LMBR1: variants seen among roughly 807,000 people sequenced by gnomAD.
LMBR1 encodes the protein limb development membrane protein 1, also known as limb region 1 protein homolog.
A neutral mutation model predicts 73.9 loss-of-function variants in LMBR1; 52 were observed. That is an observed-to-expected ratio of 0.70 (90% confidence interval 0.56 to 0.89). LMBR1 has a LOEUF of 0.89. Among genes scored for constraint, LMBR1 ranks in the 40% least tolerant of loss-of-function variants. LMBR1 has a pLI of 0.00. For missense variants in LMBR1, 539 were observed against 579.8 expected, an observed-to-expected ratio of 0.93 and a Z score of 0.72; for synonymous variants, 215 against 209.4, an observed-to-expected ratio of 1.03 and a Z score of -0.23.
At chr7:156,892,550 A>C in intron 1 of LMBR1, 1 of 164,110 alleles carries the variant, frequency 6.1e-6, no homozygotes, top group Non-Finnish European at 1.3e-5. Context: ...ACACCCGCCC[A>C]GAGAGGAAGC....
intron 8 of LMBR1, 119 bp from the exon 9 acceptor site, chr7:156,756,584 CACAAA>C (rs1474539907): frequency 6.6e-6 from 4 of 604,838 alleles, no homozygotes; most frequent in African/African-American, 5.8e-5. Flanking sequence ...TTTCTAAGAA[CACAAA>C]ACAAAAAAAC....
At chr7:156,737,853 C>T (rs1263558331) in intron 9 of LMBR1, among the ~76,000 whole-genome samples, 1 of 152,086 alleles carries the variant, frequency 6.6e-6, no homozygotes, top group African/African-American at 2.4e-5. Context: ...GGGAGGCTTT[C>T]CTTGGATATG....
At chr7:156,695,867 G>GAA (rs397957629) in intron 15 of LMBR1, among the ~76,000 whole-genome samples, 1 of 143,744 alleles carries the variant, frequency 7.0e-6, no homozygotes, top group Admixed American at 6.9e-5. Flanking sequence ...GACACTGATG[G>GAA]AAAAAAAAAA....
intron 5 of LMBR1, among the ~76,000 whole-genome samples, chr7:156,774,576 A>T (rs1166072990): frequency 6.6e-6 from 1 of 152,206 alleles, no homozygotes; most frequent in East Asian, 1.9e-4. Context: ...TCACACCTGT[A>T]ATCCCAGCAC....
At chr7:156,691,101 GAAGT>G (rs1807078296) in intron 15 of LMBR1, among the ~76,000 whole-genome samples, 1 of 152,092 alleles carries the variant, frequency 6.6e-6, no homozygotes, top group African/African-American at 2.4e-5. Context: ...ACTACTATTA[GAAGT>G]AATACTACTA....
intron 10 of LMBR1, among the ~76,000 whole-genome samples, chr7:156,731,251 A>C (rs1816781099): frequency 6.6e-6 from 1 of 152,200 alleles, no homozygotes; most frequent in South Asian, 2.1e-4. Flanking sequence ...ATGAAGATAA[A>C]AAGGAGATAA....
At chr7:156,735,031 T>C (rs975309728) in intron 9 of LMBR1, among the ~76,000 whole-genome samples, 1 of 152,238 alleles carries the variant, frequency 6.6e-6, no homozygotes, top group Non-Finnish European at 1.5e-5. Flanking sequence ...TTATTCCCTT[T>C]ACACATATTC....
intron 1 of LMBR1, among the ~76,000 whole-genome samples, chr7:156,876,274 T>A (rs891238797): frequency 2.0e-5 from 3 of 152,124 alleles, no homozygotes; most frequent in Admixed American, 6.6e-5. Context: ...AGTATCACAA[T>A]CATAAATATA....
At chr7:156,782,550 T>C (rs192609405) in intron 5 of LMBR1, among the ~76,000 whole-genome samples, 1 of 152,190 alleles carries the variant, frequency 6.6e-6, no homozygotes, top group African/African-American at 2.4e-5. Context: ...TGTTTGTTTG[T>C]TTGTTTGTTT....
intron 5 of LMBR1, among the ~76,000 whole-genome samples, chr7:156,783,673 G>C (rs1033147857): frequency 1.3e-5 from 2 of 151,806 alleles, no homozygotes; most frequent in African/African-American, 4.8e-5. Context: ...TTTTTTATTT[G>C]AATAATCTAT....
At chr7:156,721,380 C>T (rs1814535982) in intron 15 of LMBR1, among the ~76,000 whole-genome samples, 1 of 152,096 alleles carries the variant, frequency 6.6e-6, no homozygotes, top group African/African-American at 2.4e-5. Context: ...AGCAATCACA[C>T]AGAATCTATT....
intron 9 of LMBR1, among the ~76,000 whole-genome samples, chr7:156,739,355 G>C (rs1173372463): frequency 1.3e-5 from 2 of 152,196 alleles, no homozygotes; most frequent in Non-Finnish European, 2.9e-5. Context: ...GACCTGCCCT[G>C]GGTCTGAGGG....
At chr7:156,869,747 T>C (rs548392115) in intron 1 of LMBR1, among the ~76,000 whole-genome samples, 4 of 152,330 alleles carry the variant, frequency 2.6e-5, no homozygotes, top group Middle Eastern at 3.4e-3. Context: ...TATATGCTAT[T>C]ACAAGAAACT....
intron 15 of LMBR1, among the ~76,000 whole-genome samples, chr7:156,697,124 G>A (rs187900231): frequency 2.0e-3 from 300 of 152,082 alleles, no homozygotes; most frequent in Non-Finnish European, 3.1e-3. Context: ...CAGTAGGACC[G>A]TGATGCCCAC....
Position 156,891,221 on chromosome 7 carries a change from T to A in LMBR1, c.66+1707A>T, listed in dbSNP as rs868326640. On this transcript the variant is annotated intron_variant, in intron 1 of 16. Coordinates refer to ENST00000353442, the MANE Select transcript of LMBR1 (RefSeq NM_022458.4). ...AAAAAAAAAAAAAAAAATATATATA[T>A]ATATATATATATACACACACACACA... Among the ~76,000 whole-genome samples the A allele has an allele frequency of 2.5e-3, 148 of 58,476 alleles. 1 individual carries two copies. Among genetic ancestry groups the A allele is most frequent in the African/African-American group, 6.7e-3 (108 of 16,240 alleles). 38.4% of individuals were successfully genotyped at this position (58,476 alleles called of 152,430 possible).
In LMBR1 at chr7:156,826,594, T is replaced by C; in HGVS notation, c.319+11A>G. On this transcript the variant is annotated intron_variant, in intron 4 of 16. Transcript: ENST00000353442. ...TATTAATTGTGATTATATTAAGCAA[T>C]ATATACTAACCATGAATCAGGGAGC... 6.7e-7 allele frequency: 1 copy of C among 1,488,214 alleles called. No individual in the cohort carries two copies. The highest frequency in any genetic ancestry group is 9.0e-7 in the Non-Finnish European group (1 of 1,105,344). The allele number at this position is 1,488,214 out of a possible 1,614,324, so 92.2% of individuals were successfully genotyped here. A position where few individuals can be genotyped will look rare whatever the true frequency, so the allele number is the denominator to read the frequency against.
At chr7:156,709,901 T>TC (rs1162785463) in intron 15 of LMBR1, among the ~76,000 whole-genome samples, 2 of 122,564 alleles carry the variant, frequency 1.6e-5, no homozygotes, top group East Asian at 4.4e-4. Context: ...GGTTGATTTT[T>TC]TTTTTTTTTT....
chr7:156,677,773 T>C (rs1203563211), downstream of LMBR1: 1 of 152,226 alleles, frequency 6.6e-6, no homozygotes, highest in African/African-American at 2.4e-5. Context: ...TAAATATGCA[T>C]ATATTGGGAT....
chr7:156,728,822 C>T (rs139565670), intron 10 of LMBR1, 102 bp from the exon 11 acceptor site: 2 of 823,074 alleles, frequency 2.4e-6, no homozygotes, highest in Non-Finnish European at 3.7e-6. Flanking sequence ...TTTTAAAAAA[C>T]ATAAATTACT....
Sources: allele counts gnomAD v4.1 joint callset (sites outside exome capture counted in the v4.1 genomes callset), GRCh38; gene constraint gnomAD v4.1.1; transcripts MANE v1.5; gene names NCBI Gene and HGNC (gene_info 2026-07-23, HGNC 2026-07-21).